The following PXDNL variants were observed in gnomAD, a reference collection of about 807,000 sequenced individuals.
The protein encoded by PXDNL is peroxidasin like, also known as probable oxidoreductase PXDNL.
Under a neutral mutation model 150.8 loss-of-function variants are expected in PXDNL, and 145 were observed. The observed-to-expected ratio is 0.96, with a 90% CI of 0.84 to 1.10. PXDNL has a LOEUF of 1.10. Among genes scored for constraint, PXDNL ranks in the 50% least tolerant of loss-of-function variants. The pLI is 0.00. For missense variants in PXDNL, 2,087 were observed against 1,873.9 expected (o/e 1.11, Z -2.10); for synonymous variants, 757 against 725.7 (o/e 1.04, Z -0.69).
intron 3 of PXDNL, among the ~76,000 whole-genome samples, chr8:51,560,512 GGT>G (rs1297396362): frequency 1.8e-4 from 28 of 151,894 alleles, no homozygotes; most frequent in African/African-American, 5.1e-4. Flanking sequence ...TTGCATATAT[GGT>G]CAAATGATTA....
chr8:51,631,942 G>A (rs1442554461), intron 2 of PXDNL, among the ~76,000 whole-genome samples: 1 of 151,992 alleles, frequency 6.6e-6, no homozygotes, highest in Non-Finnish European at 1.5e-5. Flanking sequence ...AAGAAGAACA[G>A]GAAAGGTATA....
At chr8:51,452,129 T>C (rs16916315) in intron 10 of PXDNL, among the ~76,000 whole-genome samples, 9,164 of 152,236 alleles carry the variant, frequency 0.06, 426 homozygotes, top group East Asian at 0.23. Context: ...CCTAGCACAG[T>C]GTGGAATACA....
intron 1 of PXDNL, among the ~76,000 whole-genome samples, chr8:51,679,201 CT>C (rs1402653669): frequency 2.0e-5 from 3 of 152,170 alleles, no homozygotes; most frequent in Non-Finnish European, 4.4e-5. Flanking sequence ...ACAATGCATC[CT>C]CTTTATTTTG....
At chr8:51,499,645 A>T in intron 5 of PXDNL, 54 bp downstream of exon 5, 2 of 1,393,006 alleles carry the variant, frequency 1.4e-6, no homozygotes, top group Non-Finnish European at 2.0e-6. Context: ...GATGGGTTGT[A>T]TAAATGGAAA....
chr8:51,503,471 G>C (rs1041548709), intron 4 of PXDNL, among the ~76,000 whole-genome samples: 1 of 152,160 alleles, frequency 6.6e-6, no homozygotes, highest in African/African-American at 2.4e-5. Context: ...TGATTTATGT[G>C]ATGGCTTTAG....
intron 5 of PXDNL, among the ~76,000 whole-genome samples, chr8:51,493,450 T>A (rs1256423450): frequency 3.3e-5 from 5 of 151,918 alleles, no homozygotes; most frequent in Non-Finnish European, 1.5e-5. Flanking sequence ...TTTTGACGAA[T>A]TGAGAGAAGG....
intron 1 of PXDNL, among the ~76,000 whole-genome samples, chr8:51,712,041 G>A (rs760333047): frequency 2.0e-4 from 30 of 152,190 alleles, no homozygotes; most frequent in Non-Finnish European, 3.4e-4. Context: ...AAAACTAGGG[G>A]TTTAAATAGC....
Position 51,475,068 on chromosome 8 carries a change from G to T in PXDNL, c.598C>A (p.Gln200Lys). 1 of 1,613,846 alleles carries T rather than the reference G, an allele frequency of 6.2e-7. No individual in the cohort carries two copies. Among genetic ancestry groups the T allele is most frequent in the Non-Finnish European group, 8.5e-7 (1 of 1,179,862 alleles). ...WLGELLQGFA[Q>K]HGHTQAAATC... Reference sequence around the variant, plus strand: ...GCCGCAGCCTGGGTGTGGCCGTGTTGGGCAAAGCCTTGTAAAAGCTCCCCC... The same window carrying T: ...GCCGCAGCCTGGGTGTGGCCGTGTTTGGCAAAGCCTTGTAAAAGCTCCCCC... Residue 200 changes from glutamine (Q) to lysine (K), a missense_variant, in exon 7 of 23, where the codon CAA becomes AAA. Gln to Lys is a moderately conservative substitution (Grantham distance 53, BLOSUM62 1). Coordinates refer to ENST00000356297, the MANE Select transcript of PXDNL (RefSeq NM_144651.5).
chr8:51,321,171 A>G, intron 21 of PXDNL: 1 of 301,624 alleles, frequency 3.3e-6, no homozygotes, highest in Non-Finnish European at 6.0e-6. Context: ...AAGGGGAATT[A>G]AAATCAAATG....
At chr8:51,650,571 C>T (rs1388417711) in intron 2 of PXDNL, among the ~76,000 whole-genome samples, 2 of 152,172 alleles carry the variant, frequency 1.3e-5, no homozygotes, top group African/African-American at 2.4e-5. Flanking sequence ...ATTCAGTGCT[C>T]AGGCCCTGTT....
At chr8:51,380,516 T>C (rs1807499202) in intron 17 of PXDNL, among the ~76,000 whole-genome samples, 1 of 152,240 alleles carries the variant, frequency 6.6e-6, no homozygotes, top group African/African-American at 2.4e-5. Context: ...TACAACACAA[T>C]GCACAACTTG....
rs762682931 is a variant in PXDNL, at chr8:51,552,272, A to T, written c.380+4568T>A. On this transcript the variant is annotated intron_variant, in intron 4 of 22. Coordinates refer to ENST00000356297, the MANE Select transcript of PXDNL (RefSeq NM_144651.5). ...ACAACCACTATGGAAAACAGTATGG[A>T]GATTCTTAAAGAACTAAAAGTAGAA... Among the ~76,000 whole-genome samples, 17 of 152,212 alleles carry T rather than the reference A, an allele frequency of 1.1e-4. 1 individual carries two copies. Among genetic ancestry groups the T allele is most frequent in the Non-Finnish European group, 1.5e-5 (1 of 68,040 alleles).
At chr8:51,661,688 C>CG (rs1278615224) in intron 1 of PXDNL, among the ~76,000 whole-genome samples, 2 of 152,158 alleles carry the variant, frequency 1.3e-5, no homozygotes, top group Non-Finnish European at 2.9e-5. Flanking sequence ...CTTATACACA[C>CG]GCACATCGCC....
chr8:51,341,124 G>A (rs1805973721), intron 20 of PXDNL, among the ~76,000 whole-genome samples: 1 of 152,228 alleles, frequency 6.6e-6, no homozygotes, highest in Non-Finnish European at 1.5e-5. Flanking sequence ...GATGGGTGCA[G>A]GATGTGAGGG....
chr8:51,539,742 A>G (rs1197245930), intron 4 of PXDNL, among the ~76,000 whole-genome samples: 1 of 152,212 alleles, frequency 6.6e-6, no homozygotes. Flanking sequence ...ATTTACTAAT[A>G]TAAAACTCTT....
intron 19 of PXDNL, among the ~76,000 whole-genome samples, chr8:51,348,683 T>C (rs1017351): frequency 0.65 from 98,770 of 152,076 alleles, 34,852 homozygotes; most frequent in East Asian, 0.94. Flanking sequence ...TATATATACA[T>C]ACATGTTTTC....
chr8:51,320,477 G>C (rs1281432641), intron 22 of PXDNL, among the ~76,000 whole-genome samples: 1 of 152,180 alleles, frequency 6.6e-6, no homozygotes, highest in Non-Finnish European at 1.5e-5. Flanking sequence ...ATAATGAGAT[G>C]AACTCAAGTC....
chr8:51,358,715 C>T (rs943454907), intron 19 of PXDNL, among the ~76,000 whole-genome samples: 5 of 152,134 alleles, frequency 3.3e-5, no homozygotes, highest in Non-Finnish European at 5.9e-5. Context: ...GAGCACGGTG[C>T]CCTGAAGATG....
In PXDNL at chr8:51,426,638, G is replaced by C; in HGVS notation, c.1638+8C>G. 7 of 1,464,578 alleles carry C rather than the reference G, an allele frequency of 4.8e-6. No individual in the cohort carries two copies. The highest frequency in any genetic ancestry group is 6.7e-6 in the Non-Finnish European group (7 of 1,050,630). The allele number at this position is 1,464,578 out of a possible 1,614,324, so 90.7% of individuals were successfully genotyped here. A position where few individuals can be genotyped will look rare whatever the true frequency, so the allele number is the denominator to read the frequency against. Reference sequence around the variant, plus strand: ...TTAATATTACTGTACTTTTAGTTGAGATCTTACCTTATTCCAAGTAATTAT... The same window carrying C: ...TTAATATTACTGTACTTTTAGTTGACATCTTACCTTATTCCAAGTAATTAT... On this transcript the variant is annotated splice_region_variant and intron_variant, in intron 13 of 22. Coordinates refer to ENST00000356297, the MANE Select transcript of PXDNL (RefSeq NM_144651.5).
Sources: allele counts gnomAD v4.1 joint callset (sites outside exome capture counted in the v4.1 genomes callset), GRCh38; gene constraint gnomAD v4.1.1; transcripts MANE v1.5; gene names NCBI Gene and HGNC (gene_info 2026-07-23, HGNC 2026-07-21).